Variants in LPP observed in about 807,000 individuals in gnomAD.
LPP encodes lipoma-preferred partner.
A neutral mutation model predicts 60.4 loss-of-function variants in LPP; 38 were observed. That is an observed-to-expected ratio of 0.63 (90% confidence interval 0.49 to 0.83). LPP has a LOEUF of 0.83. Ranked by LOEUF, LPP falls within the 40% of genes least tolerant of loss-of-function variation. LPP has a pLI of 0.00. For synonymous variants in LPP, 328 were observed against 290.8 expected (o/e 1.13, Z -1.30); for missense variants, 902 against 783.6 (o/e 1.15, Z -1.80).
intron 2 of LPP, among the ~76,000 whole-genome samples, chr3:188,285,267 T>A (rs1454386093): frequency 6.6e-6 from 1 of 152,218 alleles, no homozygotes; most frequent in Admixed American, 6.5e-5. Flanking sequence ...GGATTCTGTT[T>A]CTATATATGT....
chr3:188,526,050 A>G (rs996536374), intron 6 of LPP, among the ~76,000 whole-genome samples: 1 of 152,228 alleles, frequency 6.6e-6, no homozygotes, highest in Non-Finnish European at 1.5e-5. Flanking sequence ...CTCAGAAGAC[A>G]GCCATCAGAA....
chr3:188,859,974 GATT>G (rs75134069), intron 9 of LPP, among the ~76,000 whole-genome samples: 34,030 of 151,850 alleles, frequency 0.22, 5,388 homozygotes, highest in East Asian at 0.8. Flanking sequence ...TTAAGCTTGA[GATT>G]ATTATTTTCA....
At chr3:188,435,387 T>C (rs1043391737) in intron 4 of LPP, among the ~76,000 whole-genome samples, 1 of 152,206 alleles carries the variant, frequency 6.6e-6, no homozygotes, top group African/African-American at 2.4e-5. Flanking sequence ...TTTTTAATAA[T>C]GATCCATTGC....
intron 6 of LPP, among the ~76,000 whole-genome samples, chr3:188,594,853 C>A (rs1218559915): frequency 1.3e-5 from 2 of 152,100 alleles, no homozygotes; most frequent in African/African-American, 4.8e-5. Flanking sequence ...TGACACCACT[C>A]ATAATTACCA....
chr3:188,203,126 GTATAT>G lies in LPP; in HGVS notation c.-189-22269_-189-22265del, dbSNP rs1463891793. Among the ~76,000 whole-genome samples the G allele has an allele frequency of 1.2e-4, 16 of 136,068 alleles. No individual in the cohort carries two copies. The South Asian group carries it at 2.9e-3, about 24-fold the overall frequency. 89.3% of individuals were successfully genotyped at this position (136,068 alleles called of 152,430 possible). A position where few individuals can be genotyped will look rare whatever the true frequency, so the allele number is the denominator to read the frequency against. On this transcript the variant is annotated intron_variant, in intron 1 of 11. Transcript: ENST00000617246. ...TTTATTTATAATATAAATATAAAAT[GTATAT>G]TATATTATAATTATATATAATTATA... is the stretch of plus-strand genomic sequence containing the variant.
chr3:188,269,720 G>A (rs1437080208), intron 2 of LPP, among the ~76,000 whole-genome samples: 1 of 150,574 alleles, frequency 6.6e-6, no homozygotes, highest in Admixed American at 6.6e-5. Context: ...GTGCGATCTC[G>A]GCTCACTGCA....
In LPP at chr3:188,742,004, A is replaced by C. The variant is rs149475939; in HGVS notation, c.1241-18109A>C. Among the ~76,000 whole-genome samples the C allele has an allele frequency of 1.6e-3, 243 of 152,242 alleles. 3 individuals carry two copies. In the East Asian group the frequency reaches 0.042, roughly 26 times the overall value. ...ATTTGAAAATAGGCAATAGATTTGA[A>C]CAGGTACTTCTCTAAGAAAATACAC... is the stretch of plus-strand genomic sequence containing the variant. On this transcript the variant is annotated intron_variant, in intron 8 of 11. Transcript: ENST00000617246.
At chr3:188,462,282 C>T (rs1799138676) in intron 4 of LPP, among the ~76,000 whole-genome samples, 1 of 151,060 alleles carries the variant, frequency 6.6e-6, no homozygotes, top group African/African-American at 2.4e-5. Flanking sequence ...AACTGAGAAA[C>T]AGAGATACTA....
chr3:188,275,381 G>T (rs1739278966), intron 2 of LPP, among the ~76,000 whole-genome samples: 1 of 152,016 alleles, frequency 6.6e-6, no homozygotes, highest in Admixed American at 6.6e-5. Flanking sequence ...TACAAATGAG[G>T]TCTCCCCTCC....
intron 9 of LPP, among the ~76,000 whole-genome samples, chr3:188,778,113 GA>G (rs1221865120): frequency 6.6e-6 from 1 of 152,040 alleles, no homozygotes; most frequent in Non-Finnish European, 1.5e-5. Context: ...GTTTCAAGTG[GA>G]ATCAAATATT....
chr3:188,778,456 T>A (rs1482157344), intron 9 of LPP, among the ~76,000 whole-genome samples: 1 of 152,232 alleles, frequency 6.6e-6, no homozygotes, highest in African/African-American at 2.4e-5. Context: ...GTCTAAAAGA[T>A]ACTTCTTTCC....
chr3:188,439,116 TC>T (rs1793116322), intron 4 of LPP, among the ~76,000 whole-genome samples: 2 of 152,228 alleles, frequency 1.3e-5, no homozygotes, highest in Admixed American at 1.3e-4. Flanking sequence ...ATTGTCATTT[TC>T]TGATAAAGAA....
At chr3:188,386,306 A>ACT (rs1778298625) in intron 3 of LPP, among the ~76,000 whole-genome samples, 1 of 151,240 alleles carries the variant, frequency 6.6e-6, no homozygotes, top group Non-Finnish European at 1.5e-5. Flanking sequence ...ACACACACAC[A>ACT]CATAATCTCT....
At chr3:188,706,125 G>A (rs1865430002) in intron 7 of LPP, among the ~76,000 whole-genome samples, 1 of 152,192 alleles carries the variant, frequency 6.6e-6, no homozygotes, top group Non-Finnish European at 1.5e-5. Context: ...ATCCTCATAT[G>A]ACAGGTAATG....
chr3:188,213,370 T>C (rs1185690828), intron 1 of LPP, among the ~76,000 whole-genome samples: 1 of 152,194 alleles, frequency 6.6e-6, no homozygotes, highest in East Asian at 1.9e-4. Flanking sequence ...CAGTGTGAGA[T>C]AATGGGCAGC....
At chr3:188,370,068 C>G (rs1267255853) in intron 3 of LPP, among the ~76,000 whole-genome samples, 1 of 152,146 alleles carries the variant, frequency 6.6e-6, no homozygotes, top group Non-Finnish European at 1.5e-5. Context: ...GCTGGGATTA[C>G]AGGTGCCTAC....
chr3:188,280,224 G>A (rs1315627635), intron 2 of LPP, among the ~76,000 whole-genome samples: 1 of 152,162 alleles, frequency 6.6e-6, no homozygotes, highest in Non-Finnish European at 1.5e-5. Flanking sequence ...AGAGGGTGAT[G>A]TAATGGCCCA....
Position 188,440,970 on chromosome 3 carries a change from T to TGTGTGC in LPP, c.193+34658_193+34659insTGTGCG, listed in dbSNP as rs1302192093. On this transcript the variant is annotated intron_variant, in intron 4 of 11. Coordinates refer to ENST00000617246, the MANE Select transcript of LPP (RefSeq NM_001375462.1). Reference sequence around the variant, plus strand: ...TAATATGTGTGTGTGTGTGTGTGTGTGCGCCTGTATACATCAGATATATGG... The same window carrying TGTGTGC: ...TAATATGTGTGTGTGTGTGTGTGTGTGTGTGCGCGCCTGTATACATCAGATATATGG... Among the ~76,000 whole-genome samples, 10 of 150,494 alleles carry TGTGTGC rather than the reference T, an allele frequency of 6.6e-5. No individual in the cohort carries two copies. The East Asian group carries it at 9.8e-4, about 15-fold the overall frequency.
intron 4 of LPP, among the ~76,000 whole-genome samples, chr3:188,415,554 A>T (rs964621938): frequency 2.0e-4 from 30 of 151,912 alleles, no homozygotes; most frequent in African/African-American, 7.3e-4. Context: ...ATATCCTTTG[A>T]TGGGCAGATG....
Sources: gnomAD v4.1 joint callset for allele counts (sites outside exome capture counted in the v4.1 genomes callset) on GRCh38, gnomAD v4.1.1 for gene constraint, MANE v1.5 for transcripts, NCBI Gene and HGNC (gene_info 2026-07-23, HGNC 2026-07-21) for gene names.